The following XPNPEP3 variants were observed in gnomAD, a reference collection of about 807,000 sequenced individuals.
XPNPEP3 encodes xaa-Pro aminopeptidase 3.
Under a neutral mutation model 60.0 loss-of-function variants are expected in XPNPEP3, and 41 were observed. The observed-to-expected ratio is 0.68, with a 90% CI of 0.53 to 0.89. The LOEUF (loss-of-function observed/expected upper bound fraction) is 0.89, where lower values mean the gene tolerates loss of function less well. Among genes scored for constraint, XPNPEP3 ranks in the 40% least tolerant of loss-of-function variants. The pLI is 0.00. For synonymous variants in XPNPEP3, 212 were observed against 223.2 expected (o/e 0.95, Z 0.45); for missense variants, 598 against 638.9 (o/e 0.94, Z 0.69).
intron 1 of XPNPEP3, chr22:40,862,506 CAAG>C: frequency 2.0e-6 from 2 of 985,542 alleles, no homozygotes; most frequent in African/African-American, 3.5e-5. Context: ...TTATTTCAGT[CAAG>C]AAACAGTTCA....
intron 3 of XPNPEP3, among the ~76,000 whole-genome samples, chr22:40,883,326 A>G (rs952573060): frequency 3.3e-5 from 5 of 152,016 alleles, no homozygotes; most frequent in South Asian, 2.1e-4. Context: ...ATTTTAACAG[A>G]TCTTTTGTGG....
intron 1 of XPNPEP3, chr22:40,859,632 A>G (rs765556862): frequency 8.5e-5 from 13 of 152,236 alleles, no homozygotes; most frequent in Admixed American, 4.6e-4. Flanking sequence ...TCTATAGAAT[A>G]AATAACCTTT....
chr22:40,875,240 A>T (rs2058023245), intron 2 of XPNPEP3, among the ~76,000 whole-genome samples: 1 of 152,034 alleles, frequency 6.6e-6, no homozygotes, highest in Admixed American at 6.5e-5. Flanking sequence ...CAGCGGCATG[A>T]TCATATCTCA....
At chr22:40,868,746 T>C (rs559935643) in intron 1 of XPNPEP3, among the ~76,000 whole-genome samples, 1 of 151,944 alleles carries the variant, frequency 6.6e-6, no homozygotes, top group South Asian at 2.1e-4. Flanking sequence ...TGTAGGAGGC[T>C]TGAGGCAGGA....
At chr22:40,908,362 T>TA (rs1022537702) in intron 5 of XPNPEP3, among the ~76,000 whole-genome samples, 18 of 151,252 alleles carry the variant, frequency 1.2e-4, no homozygotes, top group African/African-American at 1.9e-4. Context: ...ACTATAAAAA[T>TA]AAAAAAAAAT....
At chr22:40,857,269 C>T (rs777909825) in intron 1 of XPNPEP3, 24 bp downstream of exon 1, 1 of 1,613,700 alleles carries the variant, frequency 6.2e-7, no homozygotes, top group Non-Finnish European at 8.5e-7. Context: ...CCCACGGTCT[C>T]CTCCCATGGT....
intron 3 of XPNPEP3, among the ~76,000 whole-genome samples, chr22:40,885,280 G>C (rs762837140): frequency 1.3e-5 from 2 of 151,976 alleles, no homozygotes; most frequent in Admixed American, 6.6e-5. Flanking sequence ...GGATTGTTAG[G>C]AATACTGTTT....
intron 4 of XPNPEP3, among the ~76,000 whole-genome samples, chr22:40,896,902 CT>C (rs892777588): frequency 2.6e-5 from 4 of 151,738 alleles, no homozygotes; most frequent in Non-Finnish European, 5.9e-5. Context: ...CAGTATTTGT[CT>C]TTTTGTAACT....
rs62642962 is a variant in XPNPEP3, at chr22:40,857,194, C to A, written c.13C>A (p.Leu5Ile). MPWL[L>I]SAPKLVPAVA... ...GAGTTAGGCCGTAATGCCTTGGCTG[C>A]TCTCAGCCCCCAAGCTGGTTCCCGC... Residue 5 changes from leucine (L) to isoleucine (I), a missense_variant, in exon 1 of 10, where the codon CTC becomes ATC. Transcript: ENST00000357137. 27 of 1,614,120 alleles carry A rather than the reference C, an allele frequency of 1.7e-5. No individual in the cohort carries two copies. In the African/African-American group the frequency reaches 3.3e-4, roughly 20 times the overall value.
chr22:40,921,942 T>C (rs2058218133), intron 7 of XPNPEP3, among the ~76,000 whole-genome samples: 1 of 152,114 alleles, frequency 6.6e-6, no homozygotes, highest in Non-Finnish European at 1.5e-5. Context: ...GGTATCTGCT[T>C]CACCTGTCAG....
In XPNPEP3 at chr22:40,928,545, A is replaced by G. The variant is rs995873305; in HGVS notation, c.*2110A>G. Reference sequence around the variant, plus strand: ...TTTTTAAACACAAACATTGGATACAATTATACAGCAACTCAGTTTGCAAGA... The same window carrying G: ...TTTTTAAACACAAACATTGGATACAGTTATACAGCAACTCAGTTTGCAAGA... On this transcript the variant is annotated 3_prime_UTR_variant, in exon 10 of 10. Coordinates refer to ENST00000357137, the MANE Select transcript of XPNPEP3 (RefSeq NM_022098.4). 6.6e-6 allele frequency: 1 copy of G among 152,150 alleles called. No individual in the cohort carries two copies. Among genetic ancestry groups the G allele is most frequent in the Admixed American group, 6.6e-5 (1 of 15,266 alleles). 9.4% of individuals were successfully genotyped at this position (152,150 alleles called of 1,614,324 possible).
At chr22:40,870,469 G>T (rs911046041) in intron 2 of XPNPEP3, 2 of 154,126 alleles carry the variant, frequency 1.3e-5, no homozygotes, top group Non-Finnish European at 2.9e-5. Flanking sequence ...GAAAAGGGAT[G>T]CCTGTCCTAA....
At chr22:40,924,547 G>A (rs1650317612) in intron 9 of XPNPEP3, 65 bp downstream of exon 9, 2 of 1,597,948 alleles carry the variant, frequency 1.3e-6, no homozygotes, top group Non-Finnish European at 8.5e-7. Context: ...TTTTTGAGAT[G>A]GAGTTTTGCT....
At position 40,926,854 on chromosome 22, in the gene XPNPEP3, A is replaced by T. The variant is rs749468351; in HGVS notation, c.*419A>T. Reference sequence around the variant, plus strand: ...CATAAGAAGTTTGTGTGATGCCTGTATTTTTAGCTAATTACCAAGGTCTCT... The same window carrying T: ...CATAAGAAGTTTGTGTGATGCCTGTTTTTTTAGCTAATTACCAAGGTCTCT... On this transcript the variant is annotated 3_prime_UTR_variant, in exon 10 of 10. Coordinates refer to ENST00000357137, the MANE Select transcript of XPNPEP3 (RefSeq NM_022098.4). 54 of 261,930 alleles carry T rather than the reference A, an allele frequency of 2.1e-4. 1 individual carries two copies. Among genetic ancestry groups the T allele is most frequent in the Non-Finnish European group, 3.8e-4 (50 of 133,192 alleles). The allele number at this position is 261,930 out of a possible 1,614,324, so 16.2% of individuals were successfully genotyped here.
At chr22:40,873,088 TTTTC>T in intron 2 of XPNPEP3, among the ~76,000 whole-genome samples, 1 of 148,440 alleles carries the variant, frequency 6.7e-6, no homozygotes, top group Non-Finnish European at 1.5e-5. Flanking sequence ...TTCTTTTTCT[TTTTC>T]TTTTTCTTTT....
In XPNPEP3 at chr22:40,929,114, G is replaced by C. The variant is rs2058245700; in HGVS notation, c.*2679G>C. On this transcript the variant is annotated 3_prime_UTR_variant, in exon 10 of 10. Transcript: ENST00000357137. ...CTGTGCCCCCAACAGCCCTTTCCTT[G>C]GATTGTGTTTCCTTTGTTCATTTGT... The C allele has an allele frequency of 6.6e-6, 1 of 151,810 alleles. No homozygotes were observed. The highest frequency in any genetic ancestry group is 2.4e-5 in the African/African-American group (1 of 41,296). 9.4% of individuals were successfully genotyped at this position (151,810 alleles called of 1,614,324 possible).
chr22:40,888,471 T>C, intron 4 of XPNPEP3: 1 of 416,294 alleles, frequency 2.4e-6, no homozygotes, highest in Non-Finnish European at 4.8e-6. Context: ...CTCGAACTCC[T>C]GAGCTCAAGC....
chr22:40,868,852 AAAAT>A, intron 1 of XPNPEP3, 143 bp from the exon 2 acceptor site: 5 of 680,182 alleles, frequency 7.4e-6, no homozygotes, highest in Non-Finnish European at 1.3e-5. Flanking sequence ...TCTTAAAAAA[AAAAT>A]AAATGAATAT....
intron 1 of XPNPEP3, chr22:40,861,378 T>A (rs1290193273): frequency 6.2e-7 from 1 of 1,613,842 alleles, no homozygotes. Flanking sequence ...TTGATCACTT[T>A]CAATAATTTT....
Sources: gnomAD v4.1 joint callset for allele counts (sites outside exome capture counted in the v4.1 genomes callset) on GRCh38, gnomAD v4.1.1 for gene constraint, MANE v1.5 for transcripts, NCBI Gene and HGNC (gene_info 2026-07-23, HGNC 2026-07-21) for gene names.